Variants in CDKAL1 observed in about 807,000 individuals in gnomAD.
CDKAL1 encodes threonylcarbamoyladenosine tRNA methylthiotransferase.
In CDKAL1, 32 loss-of-function variants were observed where a neutral mutation model predicts 68.2. That is an observed-to-expected ratio of 0.47 (90% CI 0.35 to 0.63). CDKAL1 has a LOEUF of 0.63. Ranked by LOEUF, CDKAL1 falls within the 30% of genes least tolerant of loss-of-function variation. The pLI, the probability that CDKAL1 is intolerant of heterozygous loss-of-function variation, is 0.00. For missense variants in CDKAL1, 606 were observed against 696.7 expected (o/e 0.87, Z 1.47); for synonymous variants, 234 against 244.3 (o/e 0.96, Z 0.39).
chr6:20,629,099 C>G (rs190547418), intron 4 of CDKAL1, among the ~76,000 whole-genome samples: 3 of 152,306 alleles, frequency 2.0e-5, no homozygotes, highest in Admixed American at 1.3e-4. Context: ...TGAAATGTCT[C>G]TTTAAGATTT....
intron 10 of CDKAL1, among the ~76,000 whole-genome samples, chr6:20,992,479 ATGTGGGTGAAACTT>A (rs1766881798): frequency 6.6e-6 from 1 of 152,188 alleles, no homozygotes; most frequent in African/African-American, 2.4e-5. Context: ...GAGCCAGGAA[ATGTGGGTGAAACTT>A]GCTTTGCCAC....
intron 14 of CDKAL1, among the ~76,000 whole-genome samples, chr6:21,200,065 T>C (rs564197912): frequency 1.3e-5 from 2 of 152,374 alleles, no homozygotes; most frequent in Admixed American, 1.3e-4. Context: ...AGATTGTATC[T>C]AGATATCCAA....
chr6:20,539,762 A>T lies in CDKAL1; in HGVS notation c.-6+4368A>T, dbSNP rs140667229. ...GTAGTGATTTTGGCTTTTTACTCTGATATGGAATACCACTGGAAGGGTTTG... is the reference window on the plus strand; with the variant it reads ...GTAGTGATTTTGGCTTTTTACTCTGTTATGGAATACCACTGGAAGGGTTTG... On this transcript the variant is annotated intron_variant, in intron 2 of 15. Coordinates refer to ENST00000274695, the MANE Select transcript of CDKAL1 (RefSeq NM_017774.3). The surrounding 1 kb of genome is among the most constrained non-coding windows in gnomAD (Gnocchi z 4.3). 2.5e-3 allele frequency among the ~76,000 whole-genome samples: 382 copies of T among 152,276 alleles called. 1 individual carries two copies. The highest frequency in any genetic ancestry group is 8.8e-3 in the African/African-American group (367 of 41,560).
chr6:21,065,368 G>T (rs1055215795), intron 12 of CDKAL1, 140 bp downstream of exon 12: 3 of 650,144 alleles, frequency 4.6e-6, no homozygotes, highest in Non-Finnish European at 7.7e-6. Context: ...TGGGGTCAGG[G>T]GCCAGGGGGC....
At chr6:20,877,307 A>G (rs997050219) in intron 9 of CDKAL1, among the ~76,000 whole-genome samples, 1 of 152,236 alleles carries the variant, frequency 6.6e-6, no homozygotes, top group Admixed American at 6.5e-5. Flanking sequence ...TGTGAACGTC[A>G]TCTACAAGTC....
intron 5 of CDKAL1, among the ~76,000 whole-genome samples, chr6:20,690,635 G>T (rs566032595): frequency 9.2e-5 from 14 of 151,940 alleles, no homozygotes; most frequent in Non-Finnish European, 1.6e-4. Context: ...AAACAAAATA[G>T]AATTTTTTTT....
chr6:20,639,788 A>T (rs1393469524), intron 4 of CDKAL1, among the ~76,000 whole-genome samples: 1 of 152,152 alleles, frequency 6.6e-6, no homozygotes, highest in Non-Finnish European at 1.5e-5. Context: ...CTTCTGCCTC[A>T]GCCTCCCGAG....
intron 10 of CDKAL1, among the ~76,000 whole-genome samples, chr6:20,960,010 A>G (rs1171914699): frequency 2.6e-5 from 4 of 152,210 alleles, no homozygotes; most frequent in Non-Finnish European, 5.9e-5. Context: ...TAAAATCAGT[A>G]CAATTTATCA....
intron 5 of CDKAL1, among the ~76,000 whole-genome samples, chr6:20,683,121 C>G (rs1770460053): frequency 6.6e-6 from 1 of 152,008 alleles, no homozygotes; most frequent in South Asian, 2.1e-4. Context: ...CACACTGTGC[C>G]TGTCTTATAT....
chr6:21,177,952 T>C (rs1389987588), intron 13 of CDKAL1, among the ~76,000 whole-genome samples: 1 of 152,186 alleles, frequency 6.6e-6, no homozygotes, highest in Non-Finnish European at 1.5e-5. Context: ...TATGGTTCTT[T>C]AAGCTTTTCC....
chr6:20,635,510 A>G (rs1554166895), intron 4 of CDKAL1, among the ~76,000 whole-genome samples: 1 of 152,148 alleles, frequency 6.6e-6, no homozygotes, highest in Non-Finnish European at 1.5e-5. Context: ...CAGATTTTGG[A>G]ATATTTGCAT....
At chr6:20,581,586 T>G (rs1765146135) in intron 4 of CDKAL1, among the ~76,000 whole-genome samples, 1 of 152,212 alleles carries the variant, frequency 6.6e-6, no homozygotes, top group Non-Finnish European at 1.5e-5. Flanking sequence ...CTTTATGAAA[T>G]GTCAGTGTTA....
intron 4 of CDKAL1, among the ~76,000 whole-genome samples, chr6:20,557,499 C>T (rs1581722258): frequency 6.6e-6 from 1 of 152,144 alleles, no homozygotes; most frequent in East Asian, 1.9e-4. Context: ...TGTAAAATGT[C>T]CTTCTTGTGG....
chr6:20,623,993 G>C (rs536356882), intron 4 of CDKAL1, among the ~76,000 whole-genome samples: 2 of 152,142 alleles, frequency 1.3e-5, no homozygotes, highest in South Asian at 4.1e-4. Flanking sequence ...GATAGCTATG[G>C]TTATATTTTT....
At chr6:20,680,677 G>C (rs536269257) in intron 5 of CDKAL1, among the ~76,000 whole-genome samples, 1 of 152,282 alleles carries the variant, frequency 6.6e-6, no homozygotes, top group African/African-American at 2.4e-5. Context: ...GTCTCTGTCT[G>C]TGATTCTCTT....
At chr6:20,738,199 A>G (rs1306366500) in intron 5 of CDKAL1, among the ~76,000 whole-genome samples, 2 of 152,180 alleles carry the variant, frequency 1.3e-5, no homozygotes, top group African/African-American at 4.8e-5. Flanking sequence ...AATAAAAGTG[A>G]ACAAAGCATC....
intron 9 of CDKAL1, among the ~76,000 whole-genome samples, chr6:20,948,557 G>A (rs1764372342): frequency 6.6e-6 from 1 of 152,160 alleles, no homozygotes; most frequent in African/African-American, 2.4e-5. Context: ...TGAGAACAGT[G>A]TACTGCATTG....
chr6:20,724,099 CT>C (rs965108927), intron 5 of CDKAL1, among the ~76,000 whole-genome samples: 5 of 151,262 alleles, frequency 3.3e-5, no homozygotes, highest in Non-Finnish European at 7.4e-5. Context: ...CACCTGGATA[CT>C]TTTTTTTTGT....
chr6:20,921,556 T>C (rs1762958523), intron 9 of CDKAL1, among the ~76,000 whole-genome samples: 1 of 152,244 alleles, frequency 6.6e-6, no homozygotes, highest in Admixed American at 6.5e-5. Flanking sequence ...AAGGTACTTT[T>C]CTTAGGAATT....
Sources: allele counts gnomAD v4.1 joint callset (sites outside exome capture counted in the v4.1 genomes callset), GRCh38; gene constraint gnomAD v4.1.1; non-coding constraint Gnocchi (gnomAD v3.1); transcripts MANE v1.5; gene names NCBI Gene and HGNC (gene_info 2026-07-23, HGNC 2026-07-21).